Variants in GRM1 observed in about 807,000 individuals in gnomAD.
The protein encoded by GRM1 is metabotropic glutamate receptor 1.
Under a neutral mutation model 90.9 loss-of-function variants are expected in GRM1, and 33 were observed. The observed-to-expected ratio is 0.36, with a 90% CI of 0.28 to 0.49. The LOEUF (loss-of-function observed/expected upper bound fraction) is 0.49. Among genes scored for constraint, GRM1 ranks in the 20% least tolerant of loss-of-function variants. The pLI, the probability that GRM1 is intolerant of heterozygous loss-of-function variation, is 0.99. For synonymous variants in GRM1, 700 were observed against 613.2 expected (o/e 1.14, Z -2.09); for missense variants, 1,190 against 1,534.3 (o/e 0.78, Z 3.75).
At chr6:146,336,331 C>A (rs1332885624) in intron 3 of GRM1, among the ~76,000 whole-genome samples, 1 of 152,140 alleles carries the variant, frequency 6.6e-6, no homozygotes. Flanking sequence ...AGGAAGTAAG[C>A]TAAGACTGGG....
At chr6:146,421,474 T>C (rs1777991078) in intron 7 of GRM1, among the ~76,000 whole-genome samples, 1 of 152,160 alleles carries the variant, frequency 6.6e-6, no homozygotes, top group Non-Finnish European at 1.5e-5. Context: ...CACATATGAA[T>C]ATACATATTC....
intron 2 of GRM1, among the ~76,000 whole-genome samples, chr6:146,180,030 C>A (rs1013946756): frequency 1.3e-5 from 2 of 151,854 alleles, no homozygotes; most frequent in African/African-American, 4.8e-5. Flanking sequence ...GCACCTGTGG[C>A]CCCAGCTACT....
chr6:146,300,005 C>T (rs983980915), intron 2 of GRM1, among the ~76,000 whole-genome samples: 6 of 152,152 alleles, frequency 3.9e-5, no homozygotes, highest in Admixed American at 6.5e-5. Context: ...TTTCTTCAAC[C>T]GTTGTGAATA....
At chr6:146,229,131 G>A (rs576346166) in intron 2 of GRM1, among the ~76,000 whole-genome samples, 1 of 151,830 alleles carries the variant, frequency 6.6e-6, no homozygotes, top group South Asian at 2.1e-4. Flanking sequence ...TTAATTTTTG[G>A]AAAATTGTGT....
intron 2 of GRM1, among the ~76,000 whole-genome samples, chr6:146,293,166 G>A (rs1272932280): frequency 6.6e-6 from 1 of 151,692 alleles, no homozygotes; most frequent in African/African-American, 2.4e-5. Flanking sequence ...TGTATTTTGG[G>A]GTAATGAAAA....
At chr6:146,431,358 C>T (rs1337375553) in intron 7 of GRM1, among the ~76,000 whole-genome samples, 1 of 152,192 alleles carries the variant, frequency 6.6e-6, no homozygotes, top group East Asian at 1.9e-4. Context: ...ATTAATAATA[C>T]TGTTAACTTA....
At chr6:146,030,806 A>G (rs895901973) in intron 1 of GRM1, among the ~76,000 whole-genome samples, 2 of 152,226 alleles carry the variant, frequency 1.3e-5, no homozygotes, top group Non-Finnish European at 2.9e-5. Context: ...TACCTTAGTT[A>G]CAAAGAAAAA....
intron 5 of GRM1, among the ~76,000 whole-genome samples, chr6:146,362,648 G>C (rs1775528616): frequency 8.3e-6 from 1 of 120,864 alleles, no homozygotes; most frequent in Non-Finnish European, 1.6e-5. Flanking sequence ...CTAGGTGACA[G>C]AGCGAGACTC....
intron 2 of GRM1, among the ~76,000 whole-genome samples, chr6:146,232,619 CTT>C (rs971740270): frequency 6.6e-6 from 1 of 151,948 alleles, no homozygotes; most frequent in African/African-American, 2.4e-5. Context: ...AATAATATGT[CTT>C]ATTAATTCTT....
chr6:146,333,430 T>C (rs551417526), intron 3 of GRM1, among the ~76,000 whole-genome samples: 1 of 152,330 alleles, frequency 6.6e-6, no homozygotes, highest in African/African-American at 2.4e-5. Flanking sequence ...ATTATTACTG[T>C]AAGATTGTAA....
At chr6:146,133,078 G>T (rs919316929) in intron 1 of GRM1, among the ~76,000 whole-genome samples, 20 of 152,192 alleles carry the variant, frequency 1.3e-4, no homozygotes, top group African/African-American at 4.8e-4. Flanking sequence ...ATGAGTCAGA[G>T]ACATTGGAGG....
At chr6:146,405,530 A>T (rs1019677772) in intron 7 of GRM1, among the ~76,000 whole-genome samples, 6 of 152,154 alleles carry the variant, frequency 3.9e-5, no homozygotes, top group Non-Finnish European at 8.8e-5. Context: ...ACAGTTCCGG[A>T]GGCTGAAAAT....
In GRM1 at chr6:146,399,745, G is replaced by C. The variant is rs1777086656; in HGVS notation, c.2660+46G>C. On this transcript the variant is annotated intron_variant, in intron 7 of 7. Coordinates refer to ENST00000282753, the MANE Select transcript of GRM1 (RefSeq NM_001278064.2). This position sits in a 1 kb window ranked among gnomAD's most constrained non-coding sequence, Gnocchi z 5.4. ...GTCTCTCTTTTCTCTTCCTTTCTCT[G>C]TCTCTTTCTCTCTCTCTCTCTCTCT... 7.7e-7 allele frequency: 1 copy of C among 1,299,682 alleles called. No individual in the cohort carries two copies. The highest frequency in any genetic ancestry group is 1.2e-5 in the South Asian group (1 of 80,750). 80.5% of individuals were successfully genotyped at this position (1,299,682 alleles called of 1,614,324 possible).
chr6:146,228,224 A>G (rs1228238424), intron 2 of GRM1, among the ~76,000 whole-genome samples: 1 of 152,190 alleles, frequency 6.6e-6, no homozygotes, highest in Non-Finnish European at 1.5e-5. Context: ...AAAATACCAT[A>G]GACTAAGTAA....
intron 2 of GRM1, among the ~76,000 whole-genome samples, chr6:146,275,160 C>T (rs911970142): frequency 6.7e-6 from 1 of 149,696 alleles, no homozygotes; most frequent in African/African-American, 2.6e-5. Flanking sequence ...TTTCAAAAAG[C>T]GAAACTGACA....
At chr6:146,282,386 C>T (rs938815594) in intron 2 of GRM1, among the ~76,000 whole-genome samples, 2 of 151,968 alleles carry the variant, frequency 1.3e-5, no homozygotes, top group Non-Finnish European at 2.9e-5. Flanking sequence ...TATGTCTGAC[C>T]AGATGGTAGG....
intron 1 of GRM1, among the ~76,000 whole-genome samples, chr6:146,157,493 G>GA (rs34095773): frequency 2.6e-5 from 4 of 152,018 alleles, no homozygotes; most frequent in South Asian, 4.1e-4. Context: ...AAGACAAAGA[G>GA]AAAAAAATGC....
At chr6:146,286,910 A>T (rs796535352) in intron 2 of GRM1, among the ~76,000 whole-genome samples, 1 of 152,224 alleles carries the variant, frequency 6.6e-6, no homozygotes, top group African/African-American at 2.4e-5. Context: ...TGGCAGGCAT[A>T]TTATCCCTCT....
intron 3 of GRM1, among the ~76,000 whole-genome samples, chr6:146,333,389 G>C (rs939790841): frequency 1.3e-5 from 2 of 152,166 alleles, no homozygotes; most frequent in Non-Finnish European, 2.9e-5. Flanking sequence ...CTTCCTTTAA[G>C]TGTAGGAAGA....
Sources: allele counts gnomAD v4.1 joint callset (sites outside exome capture counted in the v4.1 genomes callset), GRCh38; gene constraint gnomAD v4.1.1; non-coding constraint Gnocchi (gnomAD v3.1); transcripts MANE v1.5; gene names NCBI Gene and HGNC (gene_info 2026-07-23, HGNC 2026-07-21).